Variants in WWC1 observed in about 807,000 individuals in gnomAD.
WWC1 encodes the protein protein KIBRA.
In WWC1, 55 loss-of-function variants were observed where a neutral mutation model predicts 138.4. The observed-to-expected ratio is 0.40, with a 90% confidence interval of 0.32 to 0.50. The LOEUF (loss-of-function observed/expected upper bound fraction) is 0.50, where lower values mean the gene tolerates loss of function less well. Ranked by LOEUF, WWC1 falls within the 20% of genes least tolerant of loss-of-function variation. The pLI is 0.72. For synonymous variants in WWC1, 524 were observed against 564.9 expected (o/e 0.93, Z 1.03); for missense variants, 1,226 against 1,420.4 (o/e 0.86, Z 2.20).
At chr5:168,423,123 C>G (rs1440401399) in intron 10 of WWC1, among the ~76,000 whole-genome samples, 1 of 118,220 alleles carries the variant, frequency 8.5e-6, no homozygotes, top group African/African-American at 3.4e-5. Flanking sequence ...TCCAGCCTGG[C>G]GACAGAGCAA....
intron 8 of WWC1, 93 bp downstream of exon 8, chr5:168,410,088 G>T (rs1021846994): frequency 8.2e-7 from 1 of 1,222,448 alleles, no homozygotes; most frequent in Non-Finnish European, 1.2e-6. Flanking sequence ...CACACACTTC[G>T]TCTTCTTTAA....
At chr5:168,385,990 G>A (rs1376271752) in intron 3 of WWC1, among the ~76,000 whole-genome samples, 1 of 151,992 alleles carries the variant, frequency 6.6e-6, no homozygotes, top group Non-Finnish European at 1.5e-5. Context: ...GGCTCCAGAT[G>A]CACTGAGCCC....
At chr5:168,383,472 C>T (rs1435467648) in intron 2 of WWC1, among the ~76,000 whole-genome samples, 1 of 152,142 alleles carries the variant, frequency 6.6e-6, no homozygotes, top group African/African-American at 2.4e-5. Flanking sequence ...ACTGGAGATG[C>T]TCATTGGACC....
intron 1 of WWC1, among the ~76,000 whole-genome samples, chr5:168,310,709 G>A (rs1455514000): frequency 6.6e-5 from 10 of 151,964 alleles, no homozygotes; most frequent in Non-Finnish European, 1.5e-4. Flanking sequence ...AGTAGTGCAT[G>A]CCTGTGGTTC....
intron 12 of WWC1, 58 bp downstream of exon 12, chr5:168,428,199 C>T: frequency 6.5e-7 from 1 of 1,537,208 alleles, no homozygotes; most frequent in Non-Finnish European, 8.9e-7. Flanking sequence ...CTCTGAATAT[C>T]CAGAGCCTAG....
At chr5:168,337,174 C>T (rs1336713155) in intron 1 of WWC1, among the ~76,000 whole-genome samples, 1 of 152,146 alleles carries the variant, frequency 6.6e-6, no homozygotes. Context: ...GTCCTGCAAT[C>T]ATTGGGGACC....
At chr5:168,456,968 C>T (rs888282858) in intron 19 of WWC1, among the ~76,000 whole-genome samples, 5 of 152,038 alleles carry the variant, frequency 3.3e-5, no homozygotes, top group African/African-American at 7.2e-5. Context: ...TTCCAGGATT[C>T]GCATCTTCAA....
chr5:168,294,801 A>G (rs975896033), intron 1 of WWC1, among the ~76,000 whole-genome samples: 3 of 151,776 alleles, frequency 2.0e-5, no homozygotes, highest in African/African-American at 4.8e-5. Context: ...AATTTTTTGT[A>G]TTTTAGTAGA....
In WWC1 at chr5:168,422,034, A is replaced by G; in HGVS notation, c.1211A>G (p.Gln404Arg). 1 of 1,612,530 alleles carries G rather than the reference A, an allele frequency of 6.2e-7. No homozygotes were observed. The highest frequency in any genetic ancestry group is 8.5e-7 in the Non-Finnish European group (1 of 1,179,084). Residue 404 changes from glutamine to arginine, a missense_variant, in exon 10 of 23, where the codon CAG (glutamine) becomes CGG (arginine). Physicochemically the swap from Gln to Arg is conservative, Grantham distance 43. This residue lies in a region of WWC1 where 1,016 missense variants were observed against 1,153.9 expected (regional missense o/e 0.88). Transcript: ENST00000265293. ...TTAAAGTTAAACAGTAAGAGGAACCAGCTTGTGAGAGAACTGGAGGAAGCC... is the reference window on the plus strand; with the variant it reads ...TTAAAGTTAAACAGTAAGAGGAACCGGCTTGTGAGAGAACTGGAGGAAGCC... ...ERLKLNSKRN[Q>R]LVRELEEATR... is the part of the protein sequence containing the mutation.
chr5:168,436,989 C>T (rs888900199), intron 15 of WWC1, among the ~76,000 whole-genome samples: 1 of 152,150 alleles, frequency 6.6e-6, no homozygotes, highest in African/African-American at 2.4e-5. Context: ...TTTGCCTGGC[C>T]TCCAAGGCCC....
chr5:168,363,750 C>A (rs562977609), intron 1 of WWC1, among the ~76,000 whole-genome samples: 4 of 152,060 alleles, frequency 2.6e-5, no homozygotes, highest in Non-Finnish European at 5.9e-5. Context: ...TTTAACGCAG[C>A]GGTGACTTTG....
Position 168,332,092 on chromosome 5 carries a change from G to A in WWC1, c.120-39332G>A, listed in dbSNP as rs149492836. ...ACCCAGGAGGTGGAGGTTGCAGAGA[G>A]CTGAGATCATGCCACTGTACTCCAG... On this transcript the variant is annotated intron_variant, in intron 1 of 22. Coordinates refer to ENST00000265293, the MANE Select transcript of WWC1 (RefSeq NM_015238.3). Among the ~76,000 whole-genome samples the A allele has an allele frequency of 9.2e-5, 14 of 151,726 alleles. No individual in the cohort carries two copies. The East Asian group carries it at 2.7e-3, about 29-fold the overall frequency.
intron 1 of WWC1, among the ~76,000 whole-genome samples, chr5:168,313,987 C>A (rs1185410495): frequency 6.6e-6 from 1 of 152,122 alleles, no homozygotes; most frequent in African/African-American, 2.4e-5. Context: ...GTGCATCTAC[C>A]AAGAAGGTCA....
At chr5:168,334,595 TG>T (rs149091474) in intron 1 of WWC1, among the ~76,000 whole-genome samples, 2,727 of 152,234 alleles carry the variant, frequency 0.018, 87 homozygotes, top group African/African-American at 0.062. Context: ...GCTGCTGCTT[TG>T]TAGAATTGCC....
In WWC1 at chr5:168,385,213, A is replaced by G. The variant is rs1437860412; in HGVS notation, c.232A>G (p.Thr78Ala). 6.2e-7 allele frequency: 1 copy of G among 1,614,100 alleles called. No individual in the cohort carries two copies. Among genetic ancestry groups the G allele is most frequent in the South Asian group, 1.1e-5 (1 of 91,070 alleles). The change falls in exon 3 of 23, where the codon ACC (threonine) becomes GCC (alanine). Residue 78 changes from threonine (T) to alanine (A), a missense_variant and splice_region_variant. Physicochemically the swap from Thr to Ala is moderately conservative, Grantham distance 58 (BLOSUM62 0). This residue lies in a region of WWC1 where 1,016 missense variants were observed against 1,153.9 expected (regional missense o/e 0.88). Transcript: ENST00000265293. ...GDYFIDHNTK[T>A]TQIEDPRVQW... is the part of the protein sequence containing the mutation. ...AGAATCTCTGGGGTCTGTTCCAGAA[A>G]CCACTCAGATTGAGGATCCTCGAGT...
chr5:168,294,754 T>C (rs1015036199), intron 1 of WWC1, among the ~76,000 whole-genome samples: 10 of 152,192 alleles, frequency 6.6e-5, no homozygotes, highest in African/African-American at 2.4e-4. Context: ...ACCTCCCGAG[T>C]AGCTGGGACT....
intron 1 of WWC1, among the ~76,000 whole-genome samples, chr5:168,342,760 T>C (rs1774144866): frequency 1.3e-5 from 2 of 152,036 alleles, no homozygotes; most frequent in Admixed American, 6.6e-5. Flanking sequence ...AGGAAACCCA[T>C]GAATGACTGG....
At chr5:168,333,907 A>G (rs908677982) in intron 1 of WWC1, among the ~76,000 whole-genome samples, 23 of 151,970 alleles carry the variant, frequency 1.5e-4, no homozygotes, top group Non-Finnish European at 2.9e-4. Flanking sequence ...ATGTTCTGTC[A>G]TGGCTCTTAA....
chr5:168,460,781 C>A, intron 20 of WWC1, 39 bp downstream of exon 20: 1 of 1,602,568 alleles, frequency 6.2e-7, no homozygotes, highest in Middle Eastern at 1.7e-4. Flanking sequence ...CTGCCTGCTC[C>A]TCCCTCGTTG....
Sources: gnomAD v4.1 joint callset for allele counts (sites outside exome capture counted in the v4.1 genomes callset) on GRCh38, gnomAD v4.1.1 for gene constraint, gnomAD v4.1.1 regional missense constraint, MANE v1.5 for transcripts, NCBI Gene and HGNC (gene_info 2026-07-23, HGNC 2026-07-21) for gene names.